ERBB4: variants seen among roughly 807,000 people sequenced by gnomAD.
The protein encoded by ERBB4 is receptor tyrosine-protein kinase erbB-4.
In ERBB4, 42 loss-of-function variants were observed where a neutral mutation model predicts 158.0. The ratio of observed to expected loss-of-function variants is 0.27; its 90% confidence interval spans 0.21 to 0.34. The LOEUF is 0.34. Among genes scored for constraint, ERBB4 ranks in the 10% least tolerant of loss-of-function variants. The probability of loss-of-function intolerance (pLI) is 1.00; values close to 1 mark genes in which losing one functional copy is unlikely to be tolerated. For missense variants in ERBB4, 1,333 were observed against 1,624.1 expected, an observed-to-expected ratio of 0.82 and a Z score of 3.08; for synonymous variants, 583 against 558.7, an observed-to-expected ratio of 1.04 and a Z score of -0.61.
intron 23 of ERBB4, among the ~76,000 whole-genome samples, chr2:211,423,644 A>G (rs1308857110): frequency 6.6e-6 from 1 of 151,966 alleles, no homozygotes. Flanking sequence ...TTAGCTCACT[A>G]TAGATTCATT....
At chr2:212,122,811 T>A (rs2079798294) in intron 2 of ERBB4, among the ~76,000 whole-genome samples, 1 of 151,824 alleles carries the variant, frequency 6.6e-6, no homozygotes, top group Admixed American at 6.6e-5. Context: ...ATATATTATT[T>A]AATATAATGA....
chr2:211,462,060 TTTAA>T (rs2064548009), intron 20 of ERBB4, among the ~76,000 whole-genome samples: 1 of 151,946 alleles, frequency 6.6e-6, no homozygotes, highest in Admixed American at 6.6e-5. Context: ...AGAAAAGAGG[TTTAA>T]TTGACTCATG....
intron 1 of ERBB4, among the ~76,000 whole-genome samples, chr2:212,246,825 C>T (rs1022973143): frequency 6.6e-6 from 1 of 152,130 alleles, no homozygotes; most frequent in Non-Finnish European, 1.5e-5. Flanking sequence ...TTCTTTACTT[C>T]CTATGTGACT....
chr2:212,483,800 G>C lies in ERBB4; in HGVS notation c.82+54649C>G, dbSNP rs1219181250. ...TGCCCAGGCTGGAGTGCAGTGGCGC[G>C]ATCTCAGCTCACTGCAAGCTCCGCC... is the stretch of plus-strand genomic sequence containing the variant. On this transcript the variant is annotated intron_variant, in intron 1 of 27. Transcript: ENST00000342788. Among the ~76,000 whole-genome samples the C allele has an allele frequency of 5.9e-5, 9 of 152,058 alleles. No homozygotes were observed. In the East Asian group the frequency reaches 1.6e-3, roughly 26 times the overall value.
At chr2:211,538,674 G>T (rs183959267) in intron 20 of ERBB4, among the ~76,000 whole-genome samples, 1 of 151,892 alleles carries the variant, frequency 6.6e-6, no homozygotes, top group Admixed American at 6.6e-5. Flanking sequence ...TTGTACATAT[G>T]TTACAGAGGT....
intron 1 of ERBB4, among the ~76,000 whole-genome samples, chr2:212,235,234 T>A (rs968281847): frequency 6.6e-6 from 1 of 152,210 alleles, no homozygotes; most frequent in Non-Finnish European, 1.5e-5. Context: ...AAATAGGGAA[T>A]CCTTTCCCCA....
chr2:211,691,207 G>A (rs907935899), intron 12 of ERBB4, among the ~76,000 whole-genome samples: 6 of 152,076 alleles, frequency 3.9e-5, no homozygotes, highest in Non-Finnish European at 8.8e-5. Flanking sequence ...CCCTTACTCT[G>A]TAATTACCCA....
At chr2:212,403,690 G>C (rs897385726) in intron 1 of ERBB4, among the ~76,000 whole-genome samples, 2 of 152,022 alleles carry the variant, frequency 1.3e-5, no homozygotes, top group Non-Finnish European at 2.9e-5. Flanking sequence ...GAAATTCATA[G>C]AAGCACAGAG....
Position 211,980,187 on chromosome 2 carries a change from C to T in ERBB4, c.235-32571G>A, listed in dbSNP as rs192036670. ...GTTTTGAAAAGAAAAAGACATATGA[C>T]TAACTTGTATGCTGATCAATGGAAT... On this transcript the variant is annotated intron_variant, in intron 2 of 27. Transcript: ENST00000342788. 2.4e-4 allele frequency among the ~76,000 whole-genome samples: 37 copies of T among 152,228 alleles called. No individual in the cohort carries two copies. In the East Asian group the frequency reaches 6.2e-3, roughly 25 times the overall value.
chr2:211,729,617 T>A (rs1399835095), intron 5 of ERBB4, among the ~76,000 whole-genome samples: 1 of 151,896 alleles, frequency 6.6e-6, no homozygotes, highest in Non-Finnish European at 1.5e-5. Context: ...TAAATTTATT[T>A]AGTAGCATTT....
intron 1 of ERBB4, among the ~76,000 whole-genome samples, chr2:212,343,485 C>A (rs1427201087): frequency 1.3e-5 from 2 of 152,118 alleles, no homozygotes; most frequent in African/African-American, 4.8e-5. Flanking sequence ...CTACATTCTA[C>A]AACATACAAC....
chr2:212,537,046 C>T (rs1003219545), intron 1 of ERBB4, among the ~76,000 whole-genome samples: 1 of 152,056 alleles, frequency 6.6e-6, no homozygotes, highest in Non-Finnish European at 1.5e-5. Flanking sequence ...AGGGTGCAAA[C>T]GGCCAGCACA....
In ERBB4 at chr2:211,524,722, C is replaced by T. The variant is rs190625298; in HGVS notation, c.2487+37181G>A. 2.3e-3 allele frequency among the ~76,000 whole-genome samples: 344 copies of T among 152,258 alleles called. 2 individuals carry two copies. Among genetic ancestry groups the T allele is most frequent in the African/African-American group, 7.7e-3 (319 of 41,562 alleles). ...CCCGGAACTCCAGCTGGCCCGCAAG[C>T]GCCAGGCGCAGCCCAGATTGCCATT... On this transcript the variant is annotated intron_variant, in intron 20 of 27. Coordinates refer to ENST00000342788, the MANE Select transcript of ERBB4 (RefSeq NM_005235.3).
chr2:211,395,033 A>ATCTT (rs1436911155), intron 25 of ERBB4, among the ~76,000 whole-genome samples: 1 of 152,062 alleles, frequency 6.6e-6, no homozygotes, highest in East Asian at 1.9e-4. Context: ...TGTAAAATAA[A>ATCTT]TTTTCTGCCT....
At chr2:212,080,120 T>C (rs1169678191) in intron 2 of ERBB4, among the ~76,000 whole-genome samples, 2 of 151,880 alleles carry the variant, frequency 1.3e-5, no homozygotes, top group East Asian at 3.9e-4. Context: ...GAGACCAACC[T>C]GGCCAACATG....
intron 2 of ERBB4, among the ~76,000 whole-genome samples, chr2:211,981,845 A>T (rs1005842499): frequency 1.3e-5 from 2 of 152,164 alleles, no homozygotes; most frequent in South Asian, 4.1e-4. Flanking sequence ...TTGATGCCTG[A>T]ATTTCTACTT....
At chr2:211,790,124 T>A (rs1330046822) in intron 3 of ERBB4, among the ~76,000 whole-genome samples, 1 of 152,116 alleles carries the variant, frequency 6.6e-6, no homozygotes, top group East Asian at 1.9e-4. Context: ...GAAATGGATT[T>A]CTACATTAAT....
intron 1 of ERBB4, among the ~76,000 whole-genome samples, chr2:212,346,578 A>G (rs947416209): frequency 1.4e-5 from 2 of 141,480 alleles, no homozygotes; most frequent in Admixed American, 1.4e-4. Context: ...GAAAGTTTGC[A>G]TAAACTTTTC....
chr2:212,249,189 C>A (rs554676299), intron 1 of ERBB4, among the ~76,000 whole-genome samples: 1 of 151,972 alleles, frequency 6.6e-6, no homozygotes, highest in Non-Finnish European at 1.5e-5. Flanking sequence ...TGATAATCAT[C>A]AAAATATTGG....
Sources: gnomAD v4.1 joint callset for allele counts (sites outside exome capture counted in the v4.1 genomes callset) on GRCh38, gnomAD v4.1.1 for gene constraint, MANE v1.5 for transcripts, NCBI Gene and HGNC (gene_info 2026-07-23, HGNC 2026-07-21) for gene names.